The following ZNF804B variants were observed in gnomAD, a reference collection of about 807,000 sequenced individuals.
ZNF804B encodes the protein zinc finger protein 804B, also known as zinc finger 804B.
A neutral mutation model predicts 101.4 loss-of-function variants in ZNF804B; 80 were observed. The ratio of observed to expected loss-of-function variants is 0.79; its 90% confidence interval spans 0.66 to 0.95. The LOEUF (loss-of-function observed/expected upper bound fraction) is 0.95. ZNF804B is among the 40% of genes least tolerant of loss of function. The probability of loss-of-function intolerance (pLI) is 0.00; values close to 1 mark genes in which losing one functional copy is unlikely to be tolerated. For missense variants in ZNF804B, 1,673 were observed against 1,561.9 expected (o/e 1.07, Z -1.20); for synonymous variants, 622 against 558.8 (o/e 1.11, Z -1.59).
At chr7:89,132,169 T>TACACAC (rs59188340) in intron 1 of ZNF804B, among the ~76,000 whole-genome samples, 5,750 of 131,314 alleles carry the variant, frequency 0.044, 118 homozygotes, top group African/African-American at 0.069. Flanking sequence ...CACGCACACA[T>TACACAC]ACACACACAC....
At position 89,243,175 on chromosome 7, in the gene ZNF804B, A is replaced by T. The variant is rs191609374; in HGVS notation, c.249+24880A>T. On this transcript the variant is annotated intron_variant, in intron 2 of 3. Coordinates refer to ENST00000333190, the MANE Select transcript of ZNF804B (RefSeq NM_181646.5). ...AAAAGAAGTCCTATCATTACTCTTGATACTGCAAAAAAATGGCCTTTATGA... is the reference window on the plus strand; with the variant it reads ...AAAAGAAGTCCTATCATTACTCTTGTTACTGCAAAAAAATGGCCTTTATGA... Among the ~76,000 whole-genome samples, 266 of 151,910 alleles carry T rather than the reference A, an allele frequency of 1.8e-3. 1 individual carries two copies. Among genetic ancestry groups the T allele is most frequent in the Non-Finnish European group, 2.7e-3 (185 of 67,732 alleles).
At chr7:89,286,460 C>A (rs894039281) in intron 2 of ZNF804B, among the ~76,000 whole-genome samples, 1 of 152,134 alleles carries the variant, frequency 6.6e-6, no homozygotes, top group Non-Finnish European at 1.5e-5. Flanking sequence ...GAGAAAACTG[C>A]TGAAATATTG....
At chr7:88,805,784 A>G (rs1450198121) in intron 1 of ZNF804B, among the ~76,000 whole-genome samples, 1 of 152,118 alleles carries the variant, frequency 6.6e-6, no homozygotes. Context: ...TCTCTGGTCC[A>G]TGTCTCACCT....
intron 1 of ZNF804B, among the ~76,000 whole-genome samples, chr7:88,909,321 G>A (rs1792515660): frequency 6.6e-6 from 1 of 151,790 alleles, no homozygotes; most frequent in Non-Finnish European, 1.5e-5. Context: ...TATGACACTT[G>A]TAGGTGCCTA....
chr7:89,333,257 C>G (rs1393339849), intron 3 of ZNF804B, 106 bp from the exon 4 acceptor site: 3 of 1,114,316 alleles, frequency 2.7e-6, no homozygotes, highest in Non-Finnish European at 3.7e-6. Context: ...AGATGTAGCT[C>G]ATAAAATGTA....
chr7:88,788,491 G>A (rs1227820040), intron 1 of ZNF804B, among the ~76,000 whole-genome samples: 1 of 152,110 alleles, frequency 6.6e-6, no homozygotes, highest in African/African-American at 2.4e-5. Context: ...ACCACCGAAT[G>A]TAAACCAGAC....
intron 2 of ZNF804B, among the ~76,000 whole-genome samples, chr7:89,307,342 T>C (rs769967828): frequency 7.9e-5 from 12 of 152,050 alleles, no homozygotes; most frequent in Non-Finnish European, 1.8e-4. Context: ...TTAAAGTGGT[T>C]AATTGCATTC....
chr7:89,111,084 A>G (rs1790209054), intron 1 of ZNF804B, among the ~76,000 whole-genome samples: 1 of 152,152 alleles, frequency 6.6e-6, no homozygotes. Flanking sequence ...TCATTTTTAA[A>G]TAATATTCTG....
chr7:89,186,124 T>C (rs1788372486), intron 1 of ZNF804B, among the ~76,000 whole-genome samples: 1 of 152,082 alleles, frequency 6.6e-6, no homozygotes, highest in Admixed American at 6.6e-5. Flanking sequence ...GTACATATTA[T>C]CAATTTTATT....
chr7:88,825,120 G>T (rs73393461), intron 1 of ZNF804B, among the ~76,000 whole-genome samples: 1 of 152,122 alleles, frequency 6.6e-6, no homozygotes, highest in Non-Finnish European at 1.5e-5. Context: ...GGATGGAAGC[G>T]TGGATTGGGG....
chr7:89,008,341 C>CA (rs200744059), intron 1 of ZNF804B, among the ~76,000 whole-genome samples: 4,210 of 151,668 alleles, frequency 0.028, 90 homozygotes, highest in Non-Finnish European at 0.043. Context: ...TGTGAGCACC[C>CA]AAAAAAAACA....
chr7:89,121,410 A>G (rs1450023822), intron 1 of ZNF804B, among the ~76,000 whole-genome samples: 1 of 152,190 alleles, frequency 6.6e-6, no homozygotes. Context: ...ATAATACAAA[A>G]TTATTTTCAT....
intron 1 of ZNF804B, among the ~76,000 whole-genome samples, chr7:89,018,790 T>C (rs1284317688): frequency 6.6e-6 from 1 of 152,044 alleles, no homozygotes; most frequent in East Asian, 1.9e-4. Context: ...GATACAGTTG[T>C]TCATTAGAAT....
At chr7:88,861,312 A>T (rs1039776897) in intron 1 of ZNF804B, among the ~76,000 whole-genome samples, 1 of 152,168 alleles carries the variant, frequency 6.6e-6, no homozygotes, top group Non-Finnish European at 1.5e-5. Flanking sequence ...TTTCCATGGA[A>T]TTAAAGAAAA....
At chr7:89,124,391 T>G (rs896592867) in intron 1 of ZNF804B, among the ~76,000 whole-genome samples, 1 of 152,144 alleles carries the variant, frequency 6.6e-6, no homozygotes, top group Non-Finnish European at 1.5e-5. Context: ...AGCATACTGA[T>G]GATCCATGAG....
intron 1 of ZNF804B, among the ~76,000 whole-genome samples, chr7:88,840,927 A>G (rs890787661): frequency 6.6e-6 from 1 of 152,168 alleles, no homozygotes; most frequent in African/African-American, 2.4e-5. Context: ...TATACATCCA[A>G]ATACTTAAAA....
At chr7:89,332,177 A>G (rs1790995696) in intron 3 of ZNF804B, among the ~76,000 whole-genome samples, 1 of 151,912 alleles carries the variant, frequency 6.6e-6, no homozygotes, top group Non-Finnish European at 1.5e-5. Flanking sequence ...ATTCATCTAG[A>G]GACAATGAAG....
At chr7:88,872,535 T>A (rs981583734) in intron 1 of ZNF804B, among the ~76,000 whole-genome samples, 4 of 152,096 alleles carry the variant, frequency 2.6e-5, no homozygotes, top group Non-Finnish European at 5.9e-5. Flanking sequence ...TAGTTACATA[T>A]GTATACATGT....
intron 1 of ZNF804B, among the ~76,000 whole-genome samples, chr7:89,020,807 T>C (rs976744849): frequency 2.0e-5 from 3 of 152,160 alleles, no homozygotes; most frequent in Admixed American, 1.3e-4. Context: ...GCTGTAAGTG[T>C]TTTGGGTTAT....
Sources: allele counts gnomAD v4.1 joint callset (sites outside exome capture counted in the v4.1 genomes callset), GRCh38; gene constraint gnomAD v4.1.1; transcripts MANE v1.5; gene names NCBI Gene and HGNC (gene_info 2026-07-23, HGNC 2026-07-21).